Variants in ATP11A observed in about 807,000 individuals in gnomAD.
ATP11A encodes the protein ATPase phospholipid transporting 11A.
In ATP11A, 81 loss-of-function variants were observed where a neutral mutation model predicts 154.4. The ratio of observed to expected loss-of-function variants is 0.52; its 90% CI spans 0.44 to 0.63. The LOEUF (loss-of-function observed/expected upper bound fraction) is 0.63, where lower values mean the gene tolerates loss of function less well. Ranked by LOEUF, ATP11A falls within the 30% of genes least tolerant of loss-of-function variation. The pLI is 0.00. For synonymous variants in ATP11A, 623 were observed against 585.9 expected (o/e 1.06, Z -0.91); for missense variants, 1,316 against 1,474.3 (o/e 0.89, Z 1.76).
At position 112,746,028 on chromosome 13, in the gene ATP11A, T is replaced by C. The variant is rs527849605; in HGVS notation, c.40-39107T>C. 2.0e-5 allele frequency: 3 copies of C among 152,256 alleles called. No homozygotes were observed. The highest frequency in any genetic ancestry group is 4.4e-5 in the Non-Finnish European group (3 of 68,054). The allele number at this position is 152,256 out of a possible 1,614,324, so 9.4% of individuals were successfully genotyped here. A position where few individuals can be genotyped will look rare whatever the true frequency, so the allele number is the denominator to read the frequency against. On this transcript the variant is annotated intron_variant, in intron 1 of 29. Coordinates refer to ENST00000375645, the MANE Select transcript of ATP11A (RefSeq NM_015205.3). This position sits in a 1 kb window ranked among gnomAD's most constrained non-coding sequence, Gnocchi z 4.1. Reference sequence around the variant, plus strand: ...TCAGTGGACTCATCCTGTGTCGTTTTGTGGCGGAATCACGTTCTGTTGTGT... The same window carrying C: ...TCAGTGGACTCATCCTGTGTCGTTTCGTGGCGGAATCACGTTCTGTTGTGT...
At position 112,883,993 on chromosome 13, in the gene ATP11A, CATTT is replaced by C. The variant is rs2080936894; in HGVS notation, c.*2133_*2136del. The C allele has an allele frequency of 6.6e-6, 1 of 152,432 alleles. No homozygotes were observed. The highest frequency in any genetic ancestry group is 2.4e-5 in the African/African-American group (1 of 41,428). 9.4% of individuals were successfully genotyped at this position (152,432 alleles called of 1,614,324 possible). ...CATAGCTGTTTATATCTCTTTTATTCATTTATTTAACATACTGTCTAATTTTAAA... is the reference window on the plus strand; with the variant it reads ...CATAGCTGTTTATATCTCTTTTATTCATTTAACATACTGTCTAATTTTAAA... On this transcript the variant is annotated 3_prime_UTR_variant, in exon 30 of 30. Transcript: ENST00000375645.
At chr13:112,719,432 C>T (rs1566377406) in intron 1 of ATP11A, among the ~76,000 whole-genome samples, 2 of 152,318 alleles carry the variant, frequency 1.3e-5, no homozygotes, top group South Asian at 4.1e-4. Context: ...TGGGAATAAT[C>T]CCATTTGCCG....
Position 112,860,303 on chromosome 13 carries a change from C to T in ATP11A, c.2744C>T (p.Ala915Val), listed in dbSNP as rs181244635. Residue 915 changes from alanine (A) to valine (V), a missense_variant, in exon 24 of 30, where the codon GCG (alanine) becomes GTG (valine). Around this residue, in one of 5 missense-constraint regions of ATP11A, gnomAD observed 294 missense variants for 290.2 expected, o/e 1.01. Transcript: ENST00000375645. ...GFSQQTLYDT[A>V]YLTLYNISFT... ...CTCTTACAGACTTTGTACGACACCG[C>T]GTATCTGACCCTCTACAACATCAGC... The T allele has an allele frequency of 2.0e-4, 327 of 1,614,084 alleles. 1 individual carries two copies. The Admixed American group carries it at 2.5e-3, about 12-fold the overall frequency.
intron 2 of ATP11A, among the ~76,000 whole-genome samples, chr13:112,797,872 C>A (rs1202829602): frequency 1.3e-5 from 2 of 152,186 alleles, no homozygotes; most frequent in Non-Finnish European, 1.5e-5. Context: ...TGTGCTGTTA[C>A]AACAGAATAC....
rs545591511 is a variant in ATP11A, at chr13:112,756,819, T to C, written c.40-28316T>C. Among the ~76,000 whole-genome samples the C allele has an allele frequency of 8.3e-4, 125 of 150,862 alleles. 1 individual carries two copies. The highest frequency in any genetic ancestry group is 1.7e-3 in the Admixed American group (26 of 15,176). ...GCCGGGGCCTGCTCCCAGCGAGGGGTCTGCTCCCAGCACGGGGCCTGCTCC... is the reference window on the plus strand; with the variant it reads ...GCCGGGGCCTGCTCCCAGCGAGGGGCCTGCTCCCAGCACGGGGCCTGCTCC... On this transcript the variant is annotated intron_variant, in intron 1 of 29. Coordinates refer to ENST00000375645, the MANE Select transcript of ATP11A (RefSeq NM_015205.3).
At chr13:112,706,343 A>G (rs1211635142) in intron 1 of ATP11A, among the ~76,000 whole-genome samples, 1 of 152,262 alleles carries the variant, frequency 6.6e-6, no homozygotes, top group African/African-American at 2.4e-5. Flanking sequence ...CTTGATAGTA[A>G]GAGACAGAAA....
At chr13:112,803,834 T>TTCCCTCCCTGA (rs60184993) in intron 2 of ATP11A, among the ~76,000 whole-genome samples, 1 of 74,122 alleles carries the variant, frequency 1.3e-5, no homozygotes, top group Non-Finnish European at 2.7e-5. Context: ...CTTCCCCTCC[T>TTCCCTCCCTGA]CCTCCTTCCT....
At chr13:112,805,348 C>T (rs1279883400) in intron 3 of ATP11A, among the ~76,000 whole-genome samples, 1 of 152,186 alleles carries the variant, frequency 6.6e-6, no homozygotes, top group African/African-American at 2.4e-5. Context: ...CACTGCCAAG[C>T]TATGCATCGT....
chr13:112,883,455 G>T lies in ATP11A; in HGVS notation c.*1589G>T, dbSNP rs1440527196. ...CACGCCCGCCCCGCGCCACGCTGTG[G>T]AACGGGGCTCCGGCAAGTGAAACCC... is the stretch of plus-strand genomic sequence containing the variant. On this transcript the variant is annotated 3_prime_UTR_variant, in exon 30 of 30. Transcript: ENST00000375645. 1 of 365,142 alleles carries T rather than the reference G, an allele frequency of 2.7e-6. No homozygotes were observed. Among genetic ancestry groups the T allele is most frequent in the Non-Finnish European group, 4.9e-6 (1 of 205,460 alleles). The allele number at this position is 365,142 out of a possible 1,614,324, so 22.6% of individuals were successfully genotyped here.
chr13:112,864,000 G>A (rs180715288), intron 25 of ATP11A, among the ~76,000 whole-genome samples: 9 of 29,944 alleles, frequency 3.0e-4, no homozygotes, highest in East Asian at 1.2e-3. Context: ...CCATCACCAC[G>A]TGCACAGTAA....
At chr13:112,758,613 T>C (rs911573949) in intron 1 of ATP11A, among the ~76,000 whole-genome samples, 12 of 151,262 alleles carry the variant, frequency 7.9e-5, no homozygotes, top group Non-Finnish European at 1.3e-4. Context: ...TTAGTAGAGA[T>C]GGGGTTTCAC....
intron 20 of ATP11A, 194 bp downstream of exon 20, chr13:112,856,279 T>C (rs1282454954): frequency 1.8e-6 from 1 of 550,422 alleles, no homozygotes; most frequent in African/African-American, 1.9e-5. Context: ...GATTAGTGGG[T>C]GATGACCAGT....
chr13:112,744,731 G>A (rs893938237), intron 1 of ATP11A, among the ~76,000 whole-genome samples: 1 of 152,210 alleles, frequency 6.6e-6, no homozygotes, highest in African/African-American at 2.4e-5. Context: ...CACCCGGCTG[G>A]TGTGTAAAGC....
intron 1 of ATP11A, among the ~76,000 whole-genome samples, chr13:112,773,453 G>C (rs1053234909): frequency 6.6e-6 from 1 of 152,194 alleles, no homozygotes; most frequent in African/African-American, 2.4e-5. Context: ...CGAGCTGTAC[G>C]GGTCCCAAGC....
chr13:112,875,817 A>G lies in ATP11A; in HGVS notation c.3203A>G (p.Gln1068Arg). The G allele has an allele frequency of 6.2e-7, 1 of 1,614,044 alleles. No homozygotes were observed. Among genetic ancestry groups the G allele is most frequent in the Non-Finnish European group, 8.5e-7 (1 of 1,180,034 alleles). The change falls in exon 28 of 30, where the codon CAG (glutamine) becomes CGG (arginine). Residue 1068 changes from glutamine to arginine, a missense_variant. By Grantham distance (43) the Gln-to-Arg change is conservative. This residue lies in a region of ATP11A where 294 missense variants were observed against 290.2 expected (regional missense o/e 1.01). Transcript: ENST00000375645. This position sits in a 1 kb window ranked among gnomAD's most constrained non-coding sequence, Gnocchi z 4.1. ...NYQRMYYVFIQMLSSGPAWLA... is the reference protein window; with the variant it reads ...NYQRMYYVFIRMLSSGPAWLA... ...CAGAGGATGTACTACGTGTTCATCC[A>G]GATGCTGTCCAGCGGGCCCGCCTGG...
intron 16 of ATP11A, among the ~76,000 whole-genome samples, chr13:112,839,233 T>A (rs1293754271): frequency 6.6e-6 from 1 of 152,110 alleles, no homozygotes; most frequent in Non-Finnish European, 1.5e-5. Flanking sequence ...CAAGGTATTA[T>A]GTACGCAGTA....
chr13:112,873,518 A>T (rs553066967), intron 26 of ATP11A, 55 bp from the exon 27 acceptor site: 2 of 1,382,230 alleles, frequency 1.4e-6, no homozygotes, highest in African/African-American at 2.9e-5. Context: ...GCCCATCACG[A>T]TCATTCTCAC....
In ATP11A at chr13:112,856,032, C is replaced by T. The variant is rs764414573; in HGVS notation, c.2365C>T (p.Arg789Trp). 9.9e-6 allele frequency: 16 copies of T among 1,613,996 alleles called. No individual in the cohort carries two copies. Among genetic ancestry groups the T allele is most frequent in the South Asian group, 5.5e-5 (5 of 91,072 alleles). ...NYRELFLEIC[R>W]SCSAVLCCRM... ...CAGGGAGCTCTTCCTGGAAATCTGC[C>T]GGAGCTGCAGCGCGGTGCTCTGCTG... Residue 789 changes from arginine (R) to tryptophan (W), a missense_variant, in exon 20 of 30, where the codon CGG becomes TGG. Transcript: ENST00000375645.
Position 112,880,756 on chromosome 13 carries a change from T to A in ATP11A, c.*10-1120T>A, listed in dbSNP as rs143255671. On this transcript the variant is annotated intron_variant, in intron 29 of 29. Coordinates refer to ENST00000375645, the MANE Select transcript of ATP11A (RefSeq NM_015205.3). ...TGTCTTTGATAACAAAGGTTCACGGTGAGAAAGAGCAGCCCTCTTTACACA... is the reference window on the plus strand; with the variant it reads ...TGTCTTTGATAACAAAGGTTCACGGAGAGAAAGAGCAGCCCTCTTTACACA... 552 of 1,168,094 alleles carry A rather than the reference T, an allele frequency of 4.7e-4. 14 individuals are homozygous for A. The East Asian group carries it at 0.028, about 59-fold the overall frequency. 72.4% of individuals were successfully genotyped at this position (1,168,094 alleles called of 1,614,324 possible).
Sources: allele counts gnomAD v4.1 joint callset (sites outside exome capture counted in the v4.1 genomes callset), GRCh38; gene constraint gnomAD v4.1.1; regional missense constraint gnomAD v4.1.1; non-coding constraint Gnocchi (gnomAD v3.1); transcripts MANE v1.5; gene names NCBI Gene and HGNC (gene_info 2026-07-23, HGNC 2026-07-21).